The following COL5A2 variants were observed in gnomAD, a reference collection of about 807,000 sequenced individuals.
COL5A2 encodes collagen type V alpha 2 chain.
A neutral mutation model predicts 208.2 loss-of-function variants in COL5A2; 23 were observed. That is an observed-to-expected ratio of 0.11 (90% CI 0.08 to 0.16). The LOEUF is 0.16. Among genes scored for constraint, COL5A2 ranks in the 10% least tolerant of loss-of-function variants. The pLI, the probability that COL5A2 is intolerant of heterozygous loss-of-function variation, is 1.00. For synonymous variants in COL5A2, 625 were observed against 628.5 expected, an observed-to-expected ratio of 0.99 and a Z score of 0.08; for missense variants, 1,590 against 1,956.4, an observed-to-expected ratio of 0.81 and a Z score of 3.53.
At position 189,214,000 on chromosome 2, in the gene COL5A2, A is replaced by G. The variant is rs141050509; in HGVS notation, c.-42+11148T>C. ...TTTTGTATCTGGATTATATTATACA[A>G]TGAAAAATGTTTTTAATGGTAGTAC... On this transcript the variant is annotated intron_variant, in intron 1 of 10. Transcript: ENST00000649966. 4.5e-4 allele frequency among the ~76,000 whole-genome samples: 69 copies of G among 152,326 alleles called. No individual in the cohort carries two copies. The East Asian group carries it at 0.01, about 22-fold the overall frequency.
the COL5A2 span, among the ~76,000 whole-genome samples, chr2:189,264,569 A>G: frequency 6.6e-6 from 1 of 152,192 alleles, no homozygotes; most frequent in Non-Finnish European, 1.5e-5. Context: ...AGAGACAGTT[A>G]CAGTAAATCA....
At chr2:189,246,582 T>G in the COL5A2 span, among the ~76,000 whole-genome samples, 1 of 152,232 alleles carries the variant, frequency 6.6e-6, no homozygotes, top group Non-Finnish European at 1.5e-5. Context: ...CTTAGCTACA[T>G]ACCTTGACTA....
chr2:189,064,972 C>T (rs113029552), intron 24 of COL5A2, 32 bp downstream of exon 24: 42 of 1,609,622 alleles, frequency 2.6e-5, no homozygotes, highest in African/African-American at 8.0e-5. Context: ...GCACCCCCCA[C>T]GTAAGTATCA....
chr2:189,081,112 T>C, intron 12 of COL5A2, 69 bp from the exon 13 acceptor site: 5 of 1,312,654 alleles, frequency 3.8e-6, no homozygotes, highest in Non-Finnish European at 5.5e-6. Flanking sequence ...TAATATATCA[T>C]TTTTTCCCAA....
At chr2:189,348,372 T>C in the COL5A2 span, among the ~76,000 whole-genome samples, 1 of 152,186 alleles carries the variant, frequency 6.6e-6, no homozygotes, top group African/African-American at 2.4e-5. Context: ...GCAAATTATA[T>C]GAATCTCTAC....
intron 1 of COL5A2, among the ~76,000 whole-genome samples, chr2:189,219,180 C>T (rs746778491): frequency 3.6e-4 from 54 of 152,110 alleles, no homozygotes; most frequent in Non-Finnish European, 6.6e-4. Context: ...TTTAAAAATG[C>T]ATTTAAATTG....
chr2:189,301,060 A>G, the COL5A2 span, among the ~76,000 whole-genome samples: 1 of 151,900 alleles, frequency 6.6e-6, no homozygotes, highest in Non-Finnish European at 1.5e-5. Flanking sequence ...GGTGGCAAAC[A>G]TCTATAGTTT....
chr2:189,169,987 G>T (rs1688542150), intron 1 of COL5A2, among the ~76,000 whole-genome samples: 1 of 152,168 alleles, frequency 6.6e-6, no homozygotes, highest in Admixed American at 6.5e-5. Flanking sequence ...AAAGTGCTGG[G>T]ATTACAGGCG....
the COL5A2 span, among the ~76,000 whole-genome samples, chr2:189,250,613 A>G: frequency 6.6e-6 from 1 of 152,060 alleles, no homozygotes. Flanking sequence ...TTCTTCCTTC[A>G]TTGGGGATAA....
the COL5A2 span, among the ~76,000 whole-genome samples, chr2:189,315,224 A>C: frequency 3.9e-5 from 6 of 152,130 alleles, no homozygotes; most frequent in African/African-American, 7.2e-5. Context: ...ATATCAAAAT[A>C]GCTGATCCAC....
intron 1 of COL5A2, among the ~76,000 whole-genome samples, chr2:189,132,037 G>A (rs1272871288): frequency 6.6e-6 from 1 of 152,160 alleles, no homozygotes; most frequent in East Asian, 1.9e-4. Flanking sequence ...TTCATCCACT[G>A]AGGTTCATAT....
At chr2:189,417,147 C>T in the COL5A2 span, among the ~76,000 whole-genome samples, 1 of 152,066 alleles carries the variant, frequency 6.6e-6, no homozygotes, top group East Asian at 1.9e-4. Context: ...TGAAAATTTC[C>T]AATTGTTTTG....
At chr2:189,048,329 C>CA in intron 44 of COL5A2, 67 bp from the exon 45 acceptor site, 1 of 1,397,798 alleles carries the variant, frequency 7.2e-7, no homozygotes, top group Non-Finnish European at 1.0e-6. Flanking sequence ...TTCCAATTGT[C>CA]AAAAAATGAC....
chr2:189,128,299 G>T (rs1037849603), intron 1 of COL5A2, among the ~76,000 whole-genome samples: 1 of 151,914 alleles, frequency 6.6e-6, no homozygotes, highest in Non-Finnish European at 1.5e-5. Flanking sequence ...TTGCAGAATT[G>T]GGAGGCAAAT....
chr2:189,317,581 A>T, the COL5A2 span, among the ~76,000 whole-genome samples: 4 of 152,192 alleles, frequency 2.6e-5, no homozygotes, highest in East Asian at 7.7e-4. Flanking sequence ...GAGATTAATA[A>T]ATAGTTTATT....
At chr2:189,306,568 C>T in the COL5A2 span, among the ~76,000 whole-genome samples, 1 of 152,262 alleles carries the variant, frequency 6.6e-6, no homozygotes, top group Non-Finnish European at 1.5e-5. Flanking sequence ...TGAGGGAATT[C>T]TGGTGCATAG....
At chr2:189,258,011 G>A in the COL5A2 span, among the ~76,000 whole-genome samples, 1 of 152,138 alleles carries the variant, frequency 6.6e-6, no homozygotes, top group East Asian at 1.9e-4. Context: ...CTACTCAGGA[G>A]GCTGAGGCAG....
the COL5A2 span, among the ~76,000 whole-genome samples, chr2:189,360,930 C>G: frequency 6.6e-6 from 1 of 151,234 alleles, no homozygotes; most frequent in African/African-American, 2.4e-5. Context: ...CCATCCAAGT[C>G]CCTGCAAAGG....
At chr2:189,371,382 T>C in the COL5A2 span, among the ~76,000 whole-genome samples, 1 of 152,146 alleles carries the variant, frequency 6.6e-6, no homozygotes, top group African/African-American at 2.4e-5. Context: ...AACTGGGTAA[T>C]AGGCAGAAGT....
Sources: gnomAD v4.1 joint callset for allele counts (sites outside exome capture counted in the v4.1 genomes callset) on GRCh38, gnomAD v4.1.1 for gene constraint, MANE v1.5 for transcripts, NCBI Gene and HGNC (gene_info 2026-07-23, HGNC 2026-07-21) for gene names.